STK39: variants seen among roughly 807,000 people sequenced by gnomAD.
The protein encoded by STK39 is STE20/SPS1-related proline-alanine-rich protein kinase.
In STK39, 20 loss-of-function variants were observed where a neutral mutation model predicts 77.8. The observed-to-expected ratio is 0.26, with a 90% CI of 0.18 to 0.37. The LOEUF (loss-of-function observed/expected upper bound fraction) is 0.37, where lower values mean the gene tolerates loss of function less well. Among genes scored for constraint, STK39 ranks in the 10% least tolerant of loss-of-function variants. The probability of loss-of-function intolerance (pLI) is 1.00; values close to 1 mark genes in which losing one functional copy is unlikely to be tolerated. For missense variants in STK39, 479 were observed against 656.5 expected (o/e 0.73, Z 2.95); for synonymous variants, 246 against 234.1 (o/e 1.05, Z -0.47).
At position 167,954,274 on chromosome 2, in the gene STK39, C is replaced by T. The variant is rs1021017628; in HGVS notation, c.*1222G>A. ...AGAGCAATGGTACCATCCTGGGAGC[C>T]CACCTCCTTGAAAGATTAGACTCCA... On this transcript the variant is annotated 3_prime_UTR_variant, in exon 18 of 18. Coordinates refer to ENST00000355999, the MANE Select transcript of STK39 (RefSeq NM_013233.3). 5 of 152,468 alleles carry T rather than the reference C, an allele frequency of 3.3e-5. No homozygotes were observed. Among genetic ancestry groups the T allele is most frequent in the African/African-American group, 9.7e-5 (4 of 41,400 alleles). The allele number at this position is 152,468 out of a possible 1,614,324, so 9.4% of individuals were successfully genotyped here. A position where few individuals can be genotyped will look rare whatever the true frequency, so the allele number is the denominator to read the frequency against.
At chr2:168,173,748 C>T (rs1688886671) in intron 2 of STK39, among the ~76,000 whole-genome samples, 1 of 152,088 alleles carries the variant, frequency 6.6e-6, no homozygotes, top group Non-Finnish European at 1.5e-5. Context: ...AGGGTTTCAC[C>T]ATTTTGGCCA....
intron 3 of STK39, among the ~76,000 whole-genome samples, chr2:168,164,304 A>C (rs1688645434): frequency 6.6e-6 from 1 of 152,142 alleles, no homozygotes; most frequent in African/African-American, 2.4e-5. Context: ...TGAGGACCTA[A>C]ATCACAGGTG....
intron 17 of STK39, among the ~76,000 whole-genome samples, chr2:167,959,200 C>T (rs1340696053): frequency 6.6e-6 from 1 of 151,384 alleles, no homozygotes; most frequent in Non-Finnish European, 1.5e-5. Flanking sequence ...CTCACTGCAA[C>T]CTCCGCCTCC....
At position 168,100,088 on chromosome 2, in the gene STK39, A is replaced by G. The variant is rs576832825; in HGVS notation, c.1090-24857T>C. Among the ~76,000 whole-genome samples, 24 of 152,370 alleles carry G rather than the reference A, an allele frequency of 1.6e-4. No individual in the cohort carries two copies. In the South Asian group the frequency reaches 5.0e-3, roughly 32 times the overall value. On this transcript the variant is annotated intron_variant, in intron 10 of 17. Transcript: ENST00000355999. ...AATAAGTATCTCAAAAGTCAATAGC[A>G]GGCAGGGCCACGAATCAATTTTTCA...
chr2:168,127,128 T>C (rs1187884593), intron 10 of STK39, among the ~76,000 whole-genome samples: 1 of 152,108 alleles, frequency 6.6e-6, no homozygotes, highest in Non-Finnish European at 1.5e-5. Flanking sequence ...CACACTAATA[T>C]GTAATAAGTT....
At chr2:167,989,730 T>C (rs1360384913) in intron 16 of STK39, among the ~76,000 whole-genome samples, 2 of 152,184 alleles carry the variant, frequency 1.3e-5, no homozygotes, top group Non-Finnish European at 2.9e-5. Context: ...GAAATATCAC[T>C]TAGTCCAATT....
chr2:168,166,940 C>T (rs977427905), intron 3 of STK39, among the ~76,000 whole-genome samples: 3 of 152,016 alleles, frequency 2.0e-5, no homozygotes, highest in Non-Finnish European at 2.9e-5. Flanking sequence ...AGGATGTGAC[C>T]TTTTAGGCCT....
chr2:168,171,597 C>T (rs1574524864), intron 2 of STK39, among the ~76,000 whole-genome samples: 2 of 151,716 alleles, frequency 1.3e-5, no homozygotes, highest in Admixed American at 6.6e-5. Flanking sequence ...GCAATCTTCA[C>T]ACTTCAAGCC....
intron 1 of STK39, among the ~76,000 whole-genome samples, chr2:168,224,833 A>C (rs943233113): frequency 6.6e-6 from 1 of 152,204 alleles, no homozygotes; most frequent in Non-Finnish European, 1.5e-5. Context: ...TTTGTCTTTT[A>C]CCCAGCAACA....
intron 16 of STK39, among the ~76,000 whole-genome samples, chr2:167,996,597 C>A (rs1461145527): frequency 6.6e-6 from 1 of 152,172 alleles, no homozygotes; most frequent in Non-Finnish European, 1.5e-5. Flanking sequence ...GGGTCAAGTT[C>A]ATGGTGGTTG....
chr2:168,160,357 C>T (rs1688537226), intron 5 of STK39, among the ~76,000 whole-genome samples: 1 of 152,202 alleles, frequency 6.6e-6, no homozygotes, highest in Non-Finnish European at 1.5e-5. Flanking sequence ...AAACTCTCCT[C>T]AGAGCTGAAG....
chr2:168,160,887 T>C (rs886975388), intron 5 of STK39, among the ~76,000 whole-genome samples: 1 of 142,426 alleles, frequency 7.0e-6, no homozygotes, highest in Non-Finnish European at 1.5e-5. Context: ...CTAACTCAGA[T>C]GGCTCAACAA....
Position 168,080,491 on chromosome 2 carries a change from G to A in STK39, c.1090-5260C>T, listed in dbSNP as rs193052323. On this transcript the variant is annotated intron_variant, in intron 10 of 17. Transcript: ENST00000355999. ...AAAAATACAAAAAAATTAGCCGGGCGTGGTGGCAGGTGCCTGTAGTCCCAG... is the reference window on the plus strand; with the variant it reads ...AAAAATACAAAAAAATTAGCCGGGCATGGTGGCAGGTGCCTGTAGTCCCAG... 7.9e-5 allele frequency among the ~76,000 whole-genome samples: 12 copies of A among 152,204 alleles called. No individual in the cohort carries two copies. The East Asian group carries it at 1.5e-3, about 20-fold the overall frequency.
intron 1 of STK39, among the ~76,000 whole-genome samples, chr2:168,226,626 C>A (rs1354425867): frequency 6.6e-6 from 1 of 151,964 alleles, no homozygotes; most frequent in Non-Finnish European, 1.5e-5. Context: ...CCATCCCACC[C>A]CACCTCACCC....
At position 168,213,440 on chromosome 2, in the gene STK39, G is replaced by A. The variant is rs147972479; in HGVS notation, c.209-31350C>T. On this transcript the variant is annotated intron_variant, in intron 1 of 17. Transcript: ENST00000355999. The stretch of plus-strand genomic sequence containing the variant: ...ATTACAAAACTTCATTTATGATATC[G>A]TCCTTTCTCAAGTGCTTTTTTCCTA... 3.9e-4 allele frequency among the ~76,000 whole-genome samples: 60 copies of A among 151,916 alleles called. 2 individuals carry two copies. The East Asian group carries it at 0.011, about 27-fold the overall frequency.
At chr2:168,230,592 T>C (rs1690428547) in intron 1 of STK39, among the ~76,000 whole-genome samples, 1 of 152,216 alleles carries the variant, frequency 6.6e-6, no homozygotes, top group Non-Finnish European at 1.5e-5. Context: ...GTCCTTACCT[T>C]AAGCCACTAA....
chr2:168,187,596 A>G (rs1689240203), intron 1 of STK39, among the ~76,000 whole-genome samples: 1 of 152,186 alleles, frequency 6.6e-6, no homozygotes, highest in Non-Finnish European at 1.5e-5. Flanking sequence ...CACTAATTAA[A>G]TCTTAGCTAG....
At chr2:168,170,719 C>A (rs1688802341) in intron 2 of STK39, among the ~76,000 whole-genome samples, 1 of 152,126 alleles carries the variant, frequency 6.6e-6, no homozygotes, top group Non-Finnish European at 1.5e-5. Flanking sequence ...TGCAAGGAAG[C>A]CGACAGTGTC....
chr2:168,154,590 T>C (rs748146030), intron 5 of STK39, among the ~76,000 whole-genome samples: 4 of 152,256 alleles, frequency 2.6e-5, no homozygotes, highest in Non-Finnish European at 5.9e-5. Flanking sequence ...TTATCCCCAT[T>C]ACAACCTATT....
Sources: gnomAD v4.1 joint callset for allele counts (sites outside exome capture counted in the v4.1 genomes callset) on GRCh38, gnomAD v4.1.1 for gene constraint, MANE v1.5 for transcripts, NCBI Gene and HGNC (gene_info 2026-07-23, HGNC 2026-07-21) for gene names.